The following CNTNAP2 variants were observed in gnomAD, a reference collection of about 807,000 sequenced individuals.
The protein encoded by CNTNAP2 is contactin associated protein 2, also known as contactin-associated protein-like 2.
In CNTNAP2, 98 loss-of-function variants were observed where a neutral mutation model predicts 155.2. The ratio of observed to expected loss-of-function variants is 0.63; its 90% CI spans 0.54 to 0.75. CNTNAP2 has a LOEUF of 0.75. CNTNAP2 is among the 30% of genes least tolerant of loss of function. The pLI is 0.00. For missense variants in CNTNAP2, 1,727 were observed against 1,688.1 expected, an observed-to-expected ratio of 1.02 and a Z score of -0.40; for synonymous variants, 651 against 631.2, an observed-to-expected ratio of 1.03 and a Z score of -0.47.
At chr7:147,967,524 T>C (rs192403114) in intron 14 of CNTNAP2, among the ~76,000 whole-genome samples, 103 of 152,264 alleles carry the variant, frequency 6.8e-4, no homozygotes, top group African/African-American at 2.4e-3. Flanking sequence ...GGAAATTGCG[T>C]AGAACTACAA....
chr7:146,247,873 G>C (rs1799688028), intron 1 of CNTNAP2, among the ~76,000 whole-genome samples: 1 of 152,088 alleles, frequency 6.6e-6, no homozygotes, highest in African/African-American at 2.4e-5. Context: ...GAAAAGAGTA[G>C]AGACACGGAG....
At chr7:146,911,810 A>T (rs1796288587) in intron 3 of CNTNAP2, among the ~76,000 whole-genome samples, 1 of 151,888 alleles carries the variant, frequency 6.6e-6, no homozygotes, top group South Asian at 2.1e-4. Flanking sequence ...GTATAATAAT[A>T]AAAAAAATAA....
chr7:146,552,771 G>T (rs1194259527), intron 1 of CNTNAP2, among the ~76,000 whole-genome samples: 3 of 151,768 alleles, frequency 2.0e-5, no homozygotes, highest in Admixed American at 6.6e-5. Context: ...TAGTCACATG[G>T]TCCCCTTGCT....
intron 1 of CNTNAP2, among the ~76,000 whole-genome samples, chr7:146,374,961 A>C (rs2129103507): frequency 6.6e-6 from 1 of 152,296 alleles, no homozygotes; most frequent in East Asian, 1.9e-4. Context: ...TAGTTTATAT[A>C]TTTCCCTGAA....
Position 147,870,333 on chromosome 7 carries a change from A to C in CNTNAP2, c.2099-33232A>C, listed in dbSNP as rs1285258618. ...GTTCTAGAAAATTTTGGCAAGGCTC[A>C]TGGGAAGTCCTTGAGCTAAAGTAGC... On this transcript the variant is annotated intron_variant, in intron 13 of 23. Coordinates refer to ENST00000361727, the MANE Select transcript of CNTNAP2 (RefSeq NM_014141.6). 1.1e-4 allele frequency among the ~76,000 whole-genome samples: 17 copies of C among 152,178 alleles called. 1 individual carries two copies. Among genetic ancestry groups the C allele is most frequent in the Admixed American group, 1.1e-3 (17 of 15,282 alleles).
At chr7:147,877,172 A>G (rs1799436951) in intron 13 of CNTNAP2, among the ~76,000 whole-genome samples, 1 of 152,114 alleles carries the variant, frequency 6.6e-6, no homozygotes, top group African/African-American at 2.4e-5. Context: ...CATGGAGTGA[A>G]CCTGTTTGAT....
At chr7:146,533,149 G>A (rs1797796211) in intron 1 of CNTNAP2, among the ~76,000 whole-genome samples, 1 of 134,936 alleles carries the variant, frequency 7.4e-6, no homozygotes, top group East Asian at 2.2e-4. Flanking sequence ...GAATCATACA[G>A]CCCTCTGAAT....
At chr7:147,587,950 A>G (rs913082637) in intron 12 of CNTNAP2, among the ~76,000 whole-genome samples, 3 of 152,198 alleles carry the variant, frequency 2.0e-5, no homozygotes. Context: ...GAGTCCATGG[A>G]CAAATAAATT....
rs1186337472 is a variant in CNTNAP2, at chr7:148,181,742, T to C, written c.3010+9264T>C. Among the ~76,000 whole-genome samples the C allele has an allele frequency of 7.6e-4, 6 of 7,942 alleles. No individual in the cohort carries two copies. The South Asian group carries it at 0.037, about 48-fold the overall frequency. The allele number at this position is 7,942 out of a possible 152,430, so 5.2% of individuals were successfully genotyped here. On this transcript the variant is annotated intron_variant, in intron 18 of 23. Coordinates refer to ENST00000361727, the MANE Select transcript of CNTNAP2 (RefSeq NM_014141.6). The stretch of plus-strand genomic sequence containing the variant: ...TAACTTTTGTTTCAAGTGTGTGCCC[T>C]TTTTTTTTTTTTTTTTTTTTTTTTT...
intron 2 of CNTNAP2, among the ~76,000 whole-genome samples, chr7:146,800,349 C>T (rs540391303): frequency 1.9e-4 from 29 of 152,298 alleles, no homozygotes; most frequent in Admixed American, 9.8e-4. Context: ...TCTGGCACTG[C>T]GTGCCAAGCT....
intron 1 of CNTNAP2, among the ~76,000 whole-genome samples, chr7:146,615,283 A>C (rs1291503573): frequency 6.6e-6 from 1 of 152,178 alleles, no homozygotes; most frequent in Non-Finnish European, 1.5e-5. Context: ...CATTGTTTAC[A>C]AGTTACTTGA....
intron 3 of CNTNAP2, among the ~76,000 whole-genome samples, chr7:147,019,180 A>G (rs958674765): frequency 3.9e-5 from 6 of 152,118 alleles, no homozygotes; most frequent in African/African-American, 1.4e-4. Flanking sequence ...ATCTCAAAAA[A>G]TATATCACTA....
At chr7:147,865,616 G>A (rs1167594779) in intron 13 of CNTNAP2, among the ~76,000 whole-genome samples, 1 of 152,130 alleles carries the variant, frequency 6.6e-6, no homozygotes, top group African/African-American at 2.4e-5. Flanking sequence ...CCTGTTATTG[G>A]TCTATTGAGA....
At chr7:147,498,529 A>C (rs1174472121) in intron 11 of CNTNAP2, among the ~76,000 whole-genome samples, 1 of 152,236 alleles carries the variant, frequency 6.6e-6, no homozygotes, top group Non-Finnish European at 1.5e-5. Context: ...AGAAGTAAAA[A>C]TAATACTACA....
At chr7:148,183,067 A>C (rs1250268923) in intron 18 of CNTNAP2, among the ~76,000 whole-genome samples, 1 of 152,248 alleles carries the variant, frequency 6.6e-6, no homozygotes, top group Non-Finnish European at 1.5e-5. Context: ...AGTTTAGTGA[A>C]ATACGGGAAC....
In CNTNAP2 at chr7:147,915,878, C is replaced by T. The variant is rs192093696; in HGVS notation, c.2255+12157C>T. The stretch of plus-strand genomic sequence containing the variant: ...CAAAAGGGTTACACCATCCCGTGTA[C>T]GTTACTCCTTATACTGACTCCACTG... On this transcript the variant is annotated intron_variant, in intron 14 of 23. Transcript: ENST00000361727. Among the ~76,000 whole-genome samples, 219 of 152,250 alleles carry T rather than the reference C, an allele frequency of 1.4e-3. 1 individual carries two copies. The highest frequency in any genetic ancestry group is 4.9e-3 in the African/African-American group (205 of 41,534).
chr7:148,283,554 T>C (rs890679683), intron 21 of CNTNAP2, among the ~76,000 whole-genome samples: 3 of 152,198 alleles, frequency 2.0e-5, no homozygotes, highest in Non-Finnish European at 4.4e-5. Flanking sequence ...AATGTGTACA[T>C]TCTCATTTGA....
intron 8 of CNTNAP2, among the ~76,000 whole-genome samples, chr7:147,150,696 T>C (rs1243745927): frequency 6.6e-6 from 1 of 152,216 alleles, no homozygotes; most frequent in Non-Finnish European, 1.5e-5. Flanking sequence ...TGAATGTTGA[T>C]TTATTGTCTA....
intron 21 of CNTNAP2, among the ~76,000 whole-genome samples, chr7:148,296,367 C>A (rs1585251233): frequency 6.6e-6 from 1 of 151,486 alleles, no homozygotes; most frequent in South Asian, 2.1e-4. Flanking sequence ...GAGACCCCCC[C>A]CGCCCACCAT....
Sources: gnomAD v4.1 joint callset for allele counts (sites outside exome capture counted in the v4.1 genomes callset) on GRCh38, gnomAD v4.1.1 for gene constraint, MANE v1.5 for transcripts, NCBI Gene and HGNC (gene_info 2026-07-23, HGNC 2026-07-21) for gene names.